MICAL3: variants seen among roughly 807,000 people sequenced by gnomAD.
The protein encoded by MICAL3 is [F-actin]-monooxygenase MICAL3.
In MICAL3, 62 loss-of-function variants were observed where a neutral mutation model predicts 207.4. The observed-to-expected ratio is 0.30, with a 90% confidence interval of 0.24 to 0.37. The LOEUF is 0.37. MICAL3 is among the 10% of genes least tolerant of loss of function. The pLI is 1.00. For missense variants in MICAL3, 2,368 were observed against 2,635.6 expected, an observed-to-expected ratio of 0.90 and a Z score of 2.22; for synonymous variants, 1,077 against 1,069.3, an observed-to-expected ratio of 1.01 and a Z score of -0.14.
intron 1 of MICAL3, among the ~76,000 whole-genome samples, chr22:17,993,532 A>G (rs2896014): frequency 2.0e-5 from 3 of 152,234 alleles, no homozygotes; most frequent in South Asian, 2.1e-4. Context: ...CAGAAGGAAG[A>G]GAAGGGCTTC....
chr22:17,910,204 G>T (rs138692789), intron 1 of MICAL3, among the ~76,000 whole-genome samples: 1 of 152,084 alleles, frequency 6.6e-6, no homozygotes, highest in Non-Finnish European at 1.5e-5. Flanking sequence ...AATCCTTCCC[G>T]TCATAGCGCC....
intron 1 of MICAL3, among the ~76,000 whole-genome samples, chr22:17,910,333 C>G (rs964467527): frequency 1.3e-5 from 2 of 152,180 alleles, no homozygotes; most frequent in African/African-American, 4.8e-5. Flanking sequence ...TGAAATAATT[C>G]ACTTCCAAAG....
intron 17 of MICAL3, among the ~76,000 whole-genome samples, chr22:17,866,360 C>T (rs1195964019): frequency 2.0e-5 from 3 of 152,302 alleles, no homozygotes; most frequent in African/African-American, 4.8e-5. Context: ...TCACATGAAA[C>T]GCTGGGAGTA....
At chr22:18,018,980 C>G (rs1036126221) in intron 1 of MICAL3, among the ~76,000 whole-genome samples, 1 of 151,854 alleles carries the variant, frequency 6.6e-6, no homozygotes, top group African/African-American at 2.4e-5. Context: ...TCACTTGAGC[C>G]CAGGAGTTGG....
Position 17,791,182 on chromosome 22 carries a change from C to T in MICAL3, c.5750+20G>A. ...CTGTGACAAGCATAGCGCTGACGCC[C>T]CCTACCCAAGGCCACTCACAAGATC... On this transcript the variant is annotated intron_variant, in intron 30 of 31. Transcript: ENST00000441493. The T allele has an allele frequency of 3.1e-6, 5 of 1,612,584 alleles. No homozygotes were observed. Among genetic ancestry groups the T allele is most frequent in the Non-Finnish European group, 4.2e-6 (5 of 1,179,212 alleles).
At chr22:17,885,791 C>T in intron 16 of MICAL3, 87 bp downstream of exon 16, 2 of 1,401,450 alleles carry the variant, frequency 1.4e-6, no homozygotes, top group Non-Finnish European at 2.0e-6. Flanking sequence ...GGGTCTGTGA[C>T]ACAGCCCATC....
At chr22:18,003,884 C>T (rs931921445) in intron 1 of MICAL3, among the ~76,000 whole-genome samples, 1 of 152,148 alleles carries the variant, frequency 6.6e-6, no homozygotes, top group Admixed American at 6.5e-5. Context: ...ATTCTCCTGC[C>T]TCAGCCTCCC....
intron 1 of MICAL3, among the ~76,000 whole-genome samples, chr22:17,976,576 TATATATA>T (rs1935654803): frequency 3.1e-5 from 3 of 97,974 alleles, no homozygotes; most frequent in Admixed American, 1.1e-4. Context: ...TATATATATA[TATATATA>T]TATATATTTT....
At chr22:17,910,436 A>G (rs1932050423) in intron 1 of MICAL3, among the ~76,000 whole-genome samples, 1 of 152,230 alleles carries the variant, frequency 6.6e-6, no homozygotes, top group Non-Finnish European at 1.5e-5. Context: ...TGCTAGTGAA[A>G]ACACTTTTAA....
intron 1 of MICAL3, among the ~76,000 whole-genome samples, chr22:17,917,358 C>T (rs556933525): frequency 1.3e-5 from 2 of 152,294 alleles, no homozygotes; most frequent in South Asian, 2.1e-4. Flanking sequence ...GCCAGCTACC[C>T]GGACACTCAA....
rs149384242 is a variant in MICAL3 at position 17,991,994 on chromosome 22, G to T, written c.-75+32287C>A. On this transcript the variant is annotated intron_variant, in intron 1 of 31. Transcript: ENST00000441493. ...CAGCATGAACAATCTAATGCCCAGA[G>T]CATGGATGAGGCGCCTCCATGCCCA... is the stretch of plus-strand genomic sequence containing the variant. Among the ~76,000 whole-genome samples, 914 of 152,318 alleles carry T rather than the reference G, an allele frequency of 6.0e-3. 10 individuals are homozygous for T. The highest frequency in any genetic ancestry group is 0.021 in the African/African-American group (879 of 41,556).
In MICAL3 at chr22:17,887,169, C is replaced by A; in HGVS notation, c.2067+1G>T. The A allele has an allele frequency of 6.2e-7, 1 of 1,613,048 alleles. No individual in the cohort carries two copies. The highest frequency in any genetic ancestry group is 8.5e-7 in the Non-Finnish European group (1 of 1,179,240). ...CTAGCAATTCCCCAAGTGAATCTCA[C>A]CTCCTCTGATTGACTGGTCTTTCTC... On this transcript the variant is annotated splice_donor_variant, in intron 15 of 31. Transcript: ENST00000441493. LOFTEE classifies it high-confidence loss of function.
At chr22:17,956,434 G>T (rs1934616719) in intron 1 of MICAL3, among the ~76,000 whole-genome samples, 1 of 152,328 alleles carries the variant, frequency 6.6e-6, no homozygotes, top group South Asian at 2.1e-4. Context: ...CGCACTTTGG[G>T]AGGCCGAGGC....
intron 1 of MICAL3, among the ~76,000 whole-genome samples, chr22:17,939,887 G>A (rs1255565099): frequency 3.9e-5 from 6 of 152,120 alleles, no homozygotes; most frequent in South Asian, 2.1e-4. Flanking sequence ...AAAAGACATC[G>A]GGACCAGCAA....
At chr22:17,934,143 C>CAAA (rs1313316891) in intron 1 of MICAL3, among the ~76,000 whole-genome samples, 2 of 152,176 alleles carry the variant, frequency 1.3e-5, no homozygotes, top group African/African-American at 4.8e-5. Context: ...CTGGCAGAGA[C>CAAA]ACAACAACAA....
At chr22:17,852,760 C>G (rs1925472748) in intron 19 of MICAL3, among the ~76,000 whole-genome samples, 1 of 152,126 alleles carries the variant, frequency 6.6e-6, no homozygotes, top group African/African-American at 2.4e-5. Flanking sequence ...TTCCGACTTT[C>G]AGGTTAGGAG....
chr22:17,822,568 C>G (rs954722259), intron 23 of MICAL3, among the ~76,000 whole-genome samples: 1 of 152,334 alleles, frequency 6.6e-6, no homozygotes, highest in South Asian at 2.1e-4. Context: ...CTGAGGCCTG[C>G]GCCCCCTCGC....
At chr22:17,974,306 G>T (rs1383051442) in intron 1 of MICAL3, among the ~76,000 whole-genome samples, 3 of 152,236 alleles carry the variant, frequency 2.0e-5, no homozygotes, top group Non-Finnish European at 4.4e-5. Context: ...GGTATGTACA[G>T]CAGAGCCTAT....
chr22:17,917,894 A>G (rs1932637051), intron 1 of MICAL3, among the ~76,000 whole-genome samples: 1 of 152,040 alleles, frequency 6.6e-6, no homozygotes, highest in Non-Finnish European at 1.5e-5. Context: ...CCTTCCCTCT[A>G]TCTCCCCTGG....
Sources: gnomAD v4.1 joint callset for allele counts (sites outside exome capture counted in the v4.1 genomes callset) on GRCh38, gnomAD v4.1.1 for gene constraint, MANE v1.5 for transcripts, NCBI Gene and HGNC (gene_info 2026-07-23, HGNC 2026-07-21) for gene names.